The following ZNF385D variants were observed in gnomAD, a reference collection of about 807,000 sequenced individuals.
ZNF385D encodes zinc finger protein 659.
Under a neutral mutation model 35.8 loss-of-function variants are expected in ZNF385D, and 15 were observed. The observed-to-expected ratio is 0.42, with a 90% CI of 0.28 to 0.64. The LOEUF (loss-of-function observed/expected upper bound fraction) is 0.64. ZNF385D is among the 30% of genes least tolerant of loss of function. The pLI, the probability that ZNF385D is intolerant of heterozygous loss-of-function variation, is 0.23. For missense variants in ZNF385D, 474 were observed against 494.6 expected, an observed-to-expected ratio of 0.96 and a Z score of 0.39; for synonymous variants, 212 against 186.8, an observed-to-expected ratio of 1.13 and a Z score of -1.10.
In ZNF385D at chr3:22,123,675, C is replaced by G. The variant is rs148217867; in HGVS notation, c.325+45142G>C. The stretch of plus-strand genomic sequence containing the variant: ...AGGCATTCAAGACCAGCCTGGCCAA[C>G]ATAGTGAAACCCCATCTCTACTAAA... On this transcript the variant is annotated intron_variant, in intron 3 of 5. Coordinates refer to the ZNF385D transcript ENST00000494108. Among the ~76,000 whole-genome samples, 974 of 152,222 alleles carry G rather than the reference C, an allele frequency of 6.4e-3. 8 individuals carry two copies. Among genetic ancestry groups the G allele is most frequent in the African/African-American group, 0.023 (936 of 41,530 alleles).
chr3:21,511,667 A>G (rs1707217305), intron 3 of ZNF385D: 2 of 455,846 alleles, frequency 4.4e-6, no homozygotes, highest in South Asian at 3.1e-5. Flanking sequence ...TTTTCAGCGC[A>G]TGGATCTTTC....
chr3:21,530,665 T>C (rs2061900479), intron 3 of ZNF385D, among the ~76,000 whole-genome samples: 1 of 152,126 alleles, frequency 6.6e-6, no homozygotes, highest in Non-Finnish European at 1.5e-5. Context: ...AACAAGTTTT[T>C]TTTCGTTGAT....
intron 3 of ZNF385D, among the ~76,000 whole-genome samples, chr3:21,830,046 C>T (rs1694889925): frequency 2.0e-5 from 3 of 152,102 alleles, no homozygotes; most frequent in Admixed American, 2.0e-4. Flanking sequence ...ATTGCTTGAA[C>T]TCAGGAGGCA....
chr3:21,719,387 T>C (rs2068446834), intron 1 of ZNF385D, among the ~76,000 whole-genome samples: 1 of 152,210 alleles, frequency 6.6e-6, no homozygotes, highest in Non-Finnish European at 1.5e-5. Context: ...GCAGCAACCC[T>C]GGTGACTGTA....
intron 3 of ZNF385D, among the ~76,000 whole-genome samples, chr3:22,050,798 T>A (rs945536831): frequency 1.1e-4 from 17 of 152,214 alleles, no homozygotes; most frequent in Non-Finnish European, 1.8e-4. Context: ...AACTAAACAA[T>A]CAAAAATAAC....
chr3:21,917,029 A>G (rs1168947097), intron 3 of ZNF385D, among the ~76,000 whole-genome samples: 1 of 152,102 alleles, frequency 6.6e-6, no homozygotes, highest in Non-Finnish European at 1.5e-5. Flanking sequence ...AAATTTGTCT[A>G]TTTTGCTAAT....
chr3:21,795,275 T>C (rs1270581129), intron 3 of ZNF385D, among the ~76,000 whole-genome samples: 3 of 152,292 alleles, frequency 2.0e-5, no homozygotes, highest in East Asian at 1.9e-4. Flanking sequence ...AGGGGCCCCA[T>C]TGGACCTCTA....
intron 3 of ZNF385D, among the ~76,000 whole-genome samples, chr3:22,010,982 T>C (rs1696534858): frequency 6.6e-6 from 1 of 152,140 alleles, no homozygotes; most frequent in Non-Finnish European, 1.5e-5. Context: ...AATAAAATCC[T>C]GGATAGACTA....
intron 3 of ZNF385D, among the ~76,000 whole-genome samples, chr3:21,995,055 A>C (rs531409254): frequency 6.6e-6 from 1 of 152,278 alleles, no homozygotes; most frequent in South Asian, 2.1e-4. Flanking sequence ...AGTGACAGCA[A>C]TGGGCCAAAT....
chr3:21,424,315 A>ACT (rs1700899039), intron 6 of ZNF385D, among the ~76,000 whole-genome samples: 2 of 47,050 alleles, frequency 4.3e-5, no homozygotes, highest in South Asian at 8.7e-4. Flanking sequence ...ATATATATAT[A>ACT]TATTTTTTTT....
chr3:22,144,634 T>G (rs9756032), intron 3 of ZNF385D, among the ~76,000 whole-genome samples: 1 of 147,716 alleles, frequency 6.8e-6, no homozygotes, highest in African/African-American at 2.5e-5. Context: ...TTATTTTTAG[T>G]GAATAGCAAA....
At chr3:22,340,463 T>C (rs1051533752) in intron 2 of ZNF385D, among the ~76,000 whole-genome samples, 1 of 152,076 alleles carries the variant, frequency 6.6e-6, no homozygotes, top group Non-Finnish European at 1.5e-5. Flanking sequence ...CTGGCCAACA[T>C]GGTGAAACCT....
chr3:22,134,779 G>T (rs1019341278), intron 3 of ZNF385D, among the ~76,000 whole-genome samples: 1 of 152,020 alleles, frequency 6.6e-6, no homozygotes, highest in Non-Finnish European at 1.5e-5. Context: ...TCATACCATG[G>T]CAGAAGGTAG....
At chr3:21,836,720 AT>A (rs2125776851) in intron 3 of ZNF385D, among the ~76,000 whole-genome samples, 1 of 152,256 alleles carries the variant, frequency 6.6e-6, no homozygotes, top group East Asian at 1.9e-4. Flanking sequence ...TAAGATTTGA[AT>A]TTTATATACA....
intron 2 of ZNF385D, among the ~76,000 whole-genome samples, chr3:21,571,774 A>AACTT (rs1235457524): frequency 4.6e-5 from 7 of 152,094 alleles, no homozygotes; most frequent in African/African-American, 1.7e-4. Flanking sequence ...AATAGCACTA[A>AACTT]ACTTATGATT....
intron 3 of ZNF385D, among the ~76,000 whole-genome samples, chr3:21,925,362 C>T (rs1700675560): frequency 6.6e-6 from 1 of 152,074 alleles, no homozygotes. Flanking sequence ...CAATTTTTAA[C>T]AAAGATGCAA....
At chr3:21,720,308 C>G (rs546580168) in intron 1 of ZNF385D, among the ~76,000 whole-genome samples, 4 of 152,182 alleles carry the variant, frequency 2.6e-5, no homozygotes, top group Admixed American at 2.6e-4. Context: ...AATCCCAGTA[C>G]TTTGGGAGGC....
chr3:22,129,396 A>C (rs1273487872), intron 3 of ZNF385D, among the ~76,000 whole-genome samples: 1 of 152,108 alleles, frequency 6.6e-6, no homozygotes, highest in Non-Finnish European at 1.5e-5. Context: ...TGCCAGGACT[A>C]AGTCTTTTCC....
At chr3:21,569,156 G>A (rs1018635027) in intron 2 of ZNF385D, among the ~76,000 whole-genome samples, 50 of 151,966 alleles carry the variant, frequency 3.3e-4, no homozygotes, top group Non-Finnish European at 6.3e-4. Context: ...AATGTTGACA[G>A]TGGGGTGTTA....
Sources: gnomAD v4.1 joint callset for allele counts (sites outside exome capture counted in the v4.1 genomes callset) on GRCh38, gnomAD v4.1.1 for gene constraint, MANE v1.5 for transcripts, NCBI Gene and HGNC (gene_info 2026-07-23, HGNC 2026-07-21) for gene names.